The following ZDHHC3 variants were observed in gnomAD, a reference collection of about 807,000 sequenced individuals.
ZDHHC3 encodes palmitoyltransferase ZDHHC3.
A neutral mutation model predicts 30.6 loss-of-function variants in ZDHHC3; 9 were observed. The ratio of observed to expected loss-of-function variants is 0.29; its 90% CI spans 0.18 to 0.51. ZDHHC3 has a LOEUF of 0.51. ZDHHC3 is among the 20% of genes least tolerant of loss of function. The pLI is 0.97. For missense variants in ZDHHC3, 246 were observed against 384.2 expected, an observed-to-expected ratio of 0.64 and a Z score of 3.01; for synonymous variants, 136 against 140.2, an observed-to-expected ratio of 0.97 and a Z score of 0.21.
In ZDHHC3 at chr3:44,921,333, G is replaced by A; in HGVS notation, c.*5356C>T. 1.0e-6 allele frequency: 1 copy of A among 984,542 alleles called. No homozygotes were observed. Among genetic ancestry groups the A allele is most frequent in the Non-Finnish European group, 1.2e-6 (1 of 829,796 alleles). The allele number at this position is 984,542 out of a possible 1,614,324, so 61.0% of individuals were successfully genotyped here. ...CAGATGTAGAAAGCCAGAGCCTCAG[G>A]GAGCAGCCTATGCAAATGTGTCTCT... On this transcript the variant is annotated 3_prime_UTR_variant, in exon 7 of 7. Coordinates refer to ENST00000424952, the MANE Select transcript of ZDHHC3 (RefSeq NM_001135179.2).
chr3:44,926,661 T>A lies in ZDHHC3; in HGVS notation c.*28A>T. ...GGTAGTGCTGTGGTGTGGACTTGTG[T>A]CTGAGTGGCCATGCCGGTCGGGGTC... On this transcript the variant is annotated 3_prime_UTR_variant, in exon 7 of 7. Coordinates refer to ENST00000424952, the MANE Select transcript of ZDHHC3 (RefSeq NM_001135179.2). 2 of 1,562,586 alleles carry A rather than the reference T, an allele frequency of 1.3e-6. No individual in the cohort carries two copies. The highest frequency in any genetic ancestry group is 1.7e-6 in the Non-Finnish European group (2 of 1,157,484).
intron 3 of ZDHHC3, among the ~76,000 whole-genome samples, chr3:44,942,497 C>T (rs1397381626): frequency 1.3e-5 from 2 of 152,130 alleles, no homozygotes; most frequent in East Asian, 1.9e-4. Flanking sequence ...GGGAGAGAGG[C>T]AAGGAGGAGG....
intron 2 of ZDHHC3, among the ~76,000 whole-genome samples, chr3:44,956,803 C>T (rs1348084721): frequency 6.6e-6 from 1 of 152,144 alleles, no homozygotes; most frequent in African/African-American, 2.4e-5. Context: ...ACCTCCATTG[C>T]AAGCACAATG....
At position 44,922,219 on chromosome 3, in the gene ZDHHC3, C is replaced by A; in HGVS notation, c.*4470G>T. Reference sequence around the variant, plus strand: ...AAAGCCACATGGGTGTTGAAACCCACACGTAGAAAGCAAAGGTCAAGACGT... The same window carrying A: ...AAAGCCACATGGGTGTTGAAACCCAAACGTAGAAAGCAAAGGTCAAGACGT... On this transcript the variant is annotated 3_prime_UTR_variant, in exon 7 of 7. Coordinates refer to ENST00000424952, the MANE Select transcript of ZDHHC3 (RefSeq NM_001135179.2). 21 of 985,454 alleles carry A rather than the reference C, an allele frequency of 2.1e-5. No individual in the cohort carries two copies. The highest frequency in any genetic ancestry group is 2.5e-5 in the Non-Finnish European group (21 of 829,944). The allele number at this position is 985,454 out of a possible 1,614,324, so 61.0% of individuals were successfully genotyped here. A position where few individuals can be genotyped will look rare whatever the true frequency, so the allele number is the denominator to read the frequency against.
chr3:44,939,541 C>T (rs1702261055), intron 3 of ZDHHC3, among the ~76,000 whole-genome samples: 1 of 152,208 alleles, frequency 6.6e-6, no homozygotes, highest in South Asian at 2.1e-4. Flanking sequence ...TAACCACCTC[C>T]CTGCTCCTGG....
intron 3 of ZDHHC3, among the ~76,000 whole-genome samples, chr3:44,934,571 CAA>C (rs55841069): frequency 2.2e-3 from 207 of 95,528 alleles, no homozygotes; most frequent in African/African-American, 2.5e-3. Flanking sequence ...TCCATTTAGC[CAA>C]AAAAAAAAAA....
Position 44,925,911 on chromosome 3 carries a change from A to C in ZDHHC3, c.*778T>G. On this transcript the variant is annotated 3_prime_UTR_variant, in exon 7 of 7. Coordinates refer to ENST00000424952, the MANE Select transcript of ZDHHC3 (RefSeq NM_001135179.2). ...AACAAAGGAAAACGTAGCTTGCCTGAAATTGTGTAATTTTTTTTCCTCTTG... is the reference window on the plus strand; with the variant it reads ...AACAAAGGAAAACGTAGCTTGCCTGCAATTGTGTAATTTTTTTTCCTCTTG... 1.0e-6 allele frequency: 1 copy of C among 985,856 alleles called. No individual in the cohort carries two copies. The highest frequency in any genetic ancestry group is 4.7e-5 in the South Asian group (1 of 21,284). 61.1% of individuals were successfully genotyped at this position (985,856 alleles called of 1,614,324 possible).
At chr3:44,935,260 C>T (rs919107809) in intron 3 of ZDHHC3, among the ~76,000 whole-genome samples, 3 of 152,162 alleles carry the variant, frequency 2.0e-5, no homozygotes, top group East Asian at 1.9e-4. Context: ...CACCCCCCTT[C>T]GAGATAAATA....
intron 1 of ZDHHC3, among the ~76,000 whole-genome samples, chr3:44,961,324 G>A (rs1355868586): frequency 2.0e-5 from 3 of 152,136 alleles, no homozygotes; most frequent in Admixed American, 6.5e-5. Context: ...CCCAGGAGGC[G>A]GAGCTTGCAG....
At position 44,926,001 on chromosome 3, in the gene ZDHHC3, G is replaced by C; in HGVS notation, c.*688C>G. ...ACACACTCTTCCAAATAATCACAGG[G>C]AATATAATTGCTGATTCAGAATACA... On this transcript the variant is annotated 3_prime_UTR_variant, in exon 7 of 7. Coordinates refer to ENST00000424952, the MANE Select transcript of ZDHHC3 (RefSeq NM_001135179.2). 1.0e-6 allele frequency: 1 copy of C among 985,782 alleles called. No homozygotes were observed. Among genetic ancestry groups the C allele is most frequent in the Non-Finnish European group, 1.2e-6 (1 of 829,940 alleles). The allele number at this position is 985,782 out of a possible 1,614,324, so 61.1% of individuals were successfully genotyped here.
In ZDHHC3 at chr3:44,920,028, T is replaced by A. The variant is rs1177310547; in HGVS notation, c.*6661A>T. 6.0e-5 allele frequency: 71 copies of A among 1,176,518 alleles called. No individual in the cohort carries two copies. Among genetic ancestry groups the A allele is most frequent in the Non-Finnish European group, 7.6e-5 (71 of 933,434 alleles). The allele number at this position is 1,176,518 out of a possible 1,614,324, so 72.9% of individuals were successfully genotyped here. Reference sequence around the variant, plus strand: ...GTTTTACATGACATTAGAACATTTGTCTGAGTGGTTACTTTTGGGGATGGA... The same window carrying A: ...GTTTTACATGACATTAGAACATTTGACTGAGTGGTTACTTTTGGGGATGGA... On this transcript the variant is annotated 3_prime_UTR_variant, in exon 7 of 7. Transcript: ENST00000424952.
chr3:44,970,545 G>A (rs1004507011), intron 1 of ZDHHC3, among the ~76,000 whole-genome samples: 1 of 152,218 alleles, frequency 6.6e-6, no homozygotes, highest in Admixed American at 6.5e-5. Flanking sequence ...GATTCTATGA[G>A]TCCTCTGTTC....
intron 3 of ZDHHC3, among the ~76,000 whole-genome samples, chr3:44,936,663 A>G (rs1231424184): frequency 6.6e-6 from 1 of 152,176 alleles, no homozygotes; most frequent in Non-Finnish European, 1.5e-5. Context: ...CATATACACC[A>G]TGGAATACTA....
At chr3:44,932,958 T>A in intron 5 of ZDHHC3, 160 bp downstream of exon 5, 1 of 1,614,104 alleles carries the variant, frequency 6.2e-7, no homozygotes. Flanking sequence ...GAGATTCCAG[T>A]CTCTGCCATT....
In ZDHHC3 at chr3:44,921,993, C is replaced by A; in HGVS notation, c.*4696G>T. 1.0e-6 allele frequency: 1 copy of A among 985,426 alleles called. No homozygotes were observed. The highest frequency in any genetic ancestry group is 1.2e-6 in the Non-Finnish European group (1 of 829,936). 61.0% of individuals were successfully genotyped at this position (985,426 alleles called of 1,614,324 possible). On this transcript the variant is annotated 3_prime_UTR_variant, in exon 7 of 7. Coordinates refer to ENST00000424952, the MANE Select transcript of ZDHHC3 (RefSeq NM_001135179.2). Reference sequence around the variant, plus strand: ...GGCTCCTCCTGTGGGCCCAACAGAGCGGGATCCCTGGGGGCCACTCTGCTT... The same window carrying A: ...GGCTCCTCCTGTGGGCCCAACAGAGAGGGATCCCTGGGGGCCACTCTGCTT...
In ZDHHC3 at chr3:44,968,488, A is replaced by T. The variant is rs186103448; in HGVS notation, c.-25+7445T>A. ...CGCAGACAGATGGCTTGAGCCCAGG[A>T]GTTCGAGACTAGCCTGGGCAATATA... On this transcript the variant is annotated intron_variant, in intron 1 of 6. Coordinates refer to ENST00000424952, the MANE Select transcript of ZDHHC3 (RefSeq NM_001135179.2). 1.6e-3 allele frequency among the ~76,000 whole-genome samples: 244 copies of T among 152,286 alleles called. 2 individuals carry two copies. The highest frequency in any genetic ancestry group is 5.6e-3 in the African/African-American group (232 of 41,560).
At chr3:44,958,485 T>C in intron 2 of ZDHHC3, 2 of 981,718 alleles carry the variant, frequency 2.0e-6, no homozygotes, top group Non-Finnish European at 3.1e-6. Context: ...GAACAGAGGG[T>C]TTAATACCAG....
At position 44,926,265 on chromosome 3, in the gene ZDHHC3, G is replaced by C. The variant is rs775317014; in HGVS notation, c.*424C>G. 2.6e-5 allele frequency: 26 copies of C among 987,990 alleles called. No homozygotes were observed. The highest frequency in any genetic ancestry group is 3.1e-5 in the Non-Finnish European group (26 of 831,844). The allele number at this position is 987,990 out of a possible 1,614,324, so 61.2% of individuals were successfully genotyped here. A position where few individuals can be genotyped will look rare whatever the true frequency, so the allele number is the denominator to read the frequency against. On this transcript the variant is annotated 3_prime_UTR_variant, in exon 7 of 7. Transcript: ENST00000424952. ...ATCGGGGAGCCCGCCACTGCCTCCT[G>C]GGCAGTGGGAGGTCAGGGCCCTCCT...
At chr3:44,968,791 G>A (rs775286869) in intron 1 of ZDHHC3, among the ~76,000 whole-genome samples, 1 of 152,168 alleles carries the variant, frequency 6.6e-6, no homozygotes, top group South Asian at 2.1e-4. Flanking sequence ...CACTCATTGG[G>A]TTACCTCAAT....
Sources: gnomAD v4.1 joint callset for allele counts (sites outside exome capture counted in the v4.1 genomes callset) on GRCh38, gnomAD v4.1.1 for gene constraint, MANE v1.5 for transcripts, NCBI Gene and HGNC (gene_info 2026-07-23, HGNC 2026-07-21) for gene names.